The following HS6ST3 variants were observed in gnomAD, a reference collection of about 807,000 sequenced individuals.
The protein encoded by HS6ST3 is heparan-sulfate 6-O-sulfotransferase 3.
HS6ST3 carries 12 observed loss-of-function variants against 36.7 expected under a neutral mutation model. That is an observed-to-expected ratio of 0.33 (90% CI 0.21 to 0.53). The LOEUF (loss-of-function observed/expected upper bound fraction) is 0.53, where lower values mean the gene tolerates loss of function less well. HS6ST3 is among the 20% of genes least tolerant of loss of function. The pLI, the probability that HS6ST3 is intolerant of heterozygous loss-of-function variation, is 0.95. For synonymous variants in HS6ST3, 240 were observed against 257.5 expected (o/e 0.93, Z 0.65); for missense variants, 584 against 640.9 (o/e 0.91, Z 0.96).
chr13:96,374,447 G>C (rs1182992332), intron 1 of HS6ST3, among the ~76,000 whole-genome samples: 1 of 152,044 alleles, frequency 6.6e-6, no homozygotes, highest in Non-Finnish European at 1.5e-5. Flanking sequence ...GATTTCATCA[G>C]ATTTCTCCTT....
At chr13:96,107,778 GA>G (rs2053848470) in intron 1 of HS6ST3, among the ~76,000 whole-genome samples, 1 of 152,110 alleles carries the variant, frequency 6.6e-6, no homozygotes, top group African/African-American at 2.4e-5. Context: ...TGCGGTTTCT[GA>G]ACATAAATTA....
chr13:96,176,684 C>A (rs1319870487), intron 1 of HS6ST3, among the ~76,000 whole-genome samples: 1 of 152,056 alleles, frequency 6.6e-6, no homozygotes, highest in South Asian at 2.1e-4. Flanking sequence ...CTCTATGGGA[C>A]AAATGGTTTT....
chr13:96,276,654 T>A (rs2149314), intron 1 of HS6ST3, among the ~76,000 whole-genome samples: 136,831 of 152,300 alleles, frequency 0.9, 61,733 homozygotes, highest in African/African-American at 0.97. Context: ...TCTGTTGAAA[T>A]ATAAGCTCTA....
chr13:96,799,944 GTA>G (rs34679351), intron 1 of HS6ST3, among the ~76,000 whole-genome samples: 15,619 of 87,520 alleles, frequency 0.18, 1,432 homozygotes, highest in Middle Eastern at 0.26. Flanking sequence ...ATATGTGTGT[GTA>G]TATATATATA....
At chr13:96,385,748 GTAA>G (rs2055364351) in intron 1 of HS6ST3, among the ~76,000 whole-genome samples, 4 of 152,260 alleles carry the variant, frequency 2.6e-5, no homozygotes, top group Admixed American at 2.6e-4. Context: ...GACAGTTATA[GTAA>G]TAATAAGAAT....
In HS6ST3 at chr13:96,433,356, C is replaced by T. The variant is rs559988616; in HGVS notation, c.707+341787C>T. ...GAATTGATATGGTTTGGCTGTGTCC[C>T]CACCCAAATCTCACCTTGAATTGTA... On this transcript the variant is annotated intron_variant, in intron 1 of 1. Coordinates refer to ENST00000376705, the MANE Select transcript of HS6ST3 (RefSeq NM_153456.4). 2.9e-3 allele frequency among the ~76,000 whole-genome samples: 438 copies of T among 152,174 alleles called. 1 individual carries two copies. The highest frequency in any genetic ancestry group is 9.3e-3 in the South Asian group (45 of 4,814).
chr13:96,443,488 C>T (rs1202933143), intron 1 of HS6ST3, among the ~76,000 whole-genome samples: 1 of 142,596 alleles, frequency 7.0e-6, no homozygotes, highest in African/African-American at 2.6e-5. Flanking sequence ...CGAGATCACG[C>T]CACTGCACTC....
chr13:96,470,953 T>C (rs967099977), intron 1 of HS6ST3, among the ~76,000 whole-genome samples: 11 of 152,208 alleles, frequency 7.2e-5, no homozygotes, highest in Non-Finnish European at 1.5e-5. Context: ...TGTAATTTTT[T>C]TGTCATAACC....
chr13:96,569,865 A>G (rs2056294960), intron 1 of HS6ST3, among the ~76,000 whole-genome samples: 1 of 152,172 alleles, frequency 6.6e-6, no homozygotes, highest in South Asian at 2.1e-4. Context: ...TGGCCACTTC[A>G]TACTGTCTCT....
At chr13:96,361,318 T>C (rs2055237477) in intron 1 of HS6ST3, among the ~76,000 whole-genome samples, 1 of 152,214 alleles carries the variant, frequency 6.6e-6, no homozygotes, top group South Asian at 2.1e-4. Context: ...CTGTTGAGCC[T>C]ATATAAAAAA....
At chr13:96,396,046 G>C (rs1274186648) in intron 1 of HS6ST3, among the ~76,000 whole-genome samples, 6 of 152,148 alleles carry the variant, frequency 3.9e-5, no homozygotes, top group Non-Finnish European at 8.8e-5. Flanking sequence ...GGGCACAGTG[G>C]CTCATGCCTA....
rs562772981 is a variant in HS6ST3, at chr13:96,837,090, G to A, written c.*3892G>A. On this transcript the variant is annotated 3_prime_UTR_variant, in exon 2 of 2. Coordinates refer to ENST00000376705, the MANE Select transcript of HS6ST3 (RefSeq NM_153456.4). Reference sequence around the variant, plus strand: ...CTAGGGAATGTCTTTATTATTGATTGTCATGTGCCTTGATAAGCATAGGAG... The same window carrying A: ...CTAGGGAATGTCTTTATTATTGATTATCATGTGCCTTGATAAGCATAGGAG... 1 of 152,260 alleles carries A rather than the reference G, an allele frequency of 6.6e-6. No homozygotes were observed. The highest frequency in any genetic ancestry group is 2.4e-5 in the African/African-American group (1 of 41,552). The allele number at this position is 152,260 out of a possible 1,614,324, so 9.4% of individuals were successfully genotyped here. A position where few individuals can be genotyped will look rare whatever the true frequency, so the allele number is the denominator to read the frequency against.
intron 1 of HS6ST3, among the ~76,000 whole-genome samples, chr13:96,781,357 C>T (rs1176971300): frequency 4.6e-5 from 7 of 152,312 alleles, no homozygotes; most frequent in East Asian, 3.9e-4. Context: ...TCAGTCCCCT[C>T]GCCCCCTTTG....
intron 1 of HS6ST3, among the ~76,000 whole-genome samples, chr13:96,206,521 A>G (rs2054371191): frequency 6.6e-6 from 1 of 152,210 alleles, no homozygotes; most frequent in Non-Finnish European, 1.5e-5. Flanking sequence ...AACAAAAAGA[A>G]CAAAGCTGGA....
intron 1 of HS6ST3, among the ~76,000 whole-genome samples, chr13:96,359,964 C>T (rs2055229335): frequency 6.6e-6 from 1 of 152,100 alleles, no homozygotes; most frequent in Admixed American, 6.5e-5. Context: ...ACCCCTATTC[C>T]ACCACTGAGC....
intron 1 of HS6ST3, among the ~76,000 whole-genome samples, chr13:96,111,218 T>C (rs111717689): frequency 2.5e-4 from 38 of 152,338 alleles, no homozygotes; most frequent in African/African-American, 8.7e-4. Flanking sequence ...ATTTTTAGCA[T>C]ATATAATTAA....
chr13:96,542,253 T>C (rs2056181403), intron 1 of HS6ST3, among the ~76,000 whole-genome samples: 1 of 152,186 alleles, frequency 6.6e-6, no homozygotes, highest in African/African-American at 2.4e-5. Context: ...TACCCATAGA[T>C]AGAGTTTAGC....
intron 1 of HS6ST3, among the ~76,000 whole-genome samples, chr13:96,236,096 G>T (rs2139370130): frequency 6.6e-6 from 1 of 152,288 alleles, no homozygotes; most frequent in South Asian, 2.1e-4. Flanking sequence ...ATGTTTGATG[G>T]CAGGAAGCAT....
At position 96,531,613 on chromosome 13, in the gene HS6ST3, A is replaced by T. The variant is rs957836695; in HGVS notation, c.708-300877A>T. Among the ~76,000 whole-genome samples, 9 of 152,190 alleles carry T rather than the reference A, an allele frequency of 5.9e-5. No homozygotes were observed. The East Asian group carries it at 1.7e-3, about 29-fold the overall frequency. On this transcript the variant is annotated intron_variant, in intron 1 of 1. Coordinates refer to ENST00000376705, the MANE Select transcript of HS6ST3 (RefSeq NM_153456.4). ...GTGACCCATTAATGCTTTTGCAGCC[A>T]TTACCATCTTCATTTCCTCACCTGT... is the stretch of plus-strand genomic sequence containing the variant.
Sources: allele counts gnomAD v4.1 joint callset (sites outside exome capture counted in the v4.1 genomes callset), GRCh38; gene constraint gnomAD v4.1.1; transcripts MANE v1.5; gene names NCBI Gene and HGNC (gene_info 2026-07-23, HGNC 2026-07-21).